The following IFIH1 variants were observed in gnomAD, a reference collection of about 807,000 sequenced individuals.
IFIH1 encodes the protein interferon induced with helicase C domain 1, also known as interferon-induced helicase C domain-containing protein 1.
In IFIH1, 125 loss-of-function variants were observed where a neutral mutation model predicts 107.4. The observed-to-expected ratio is 1.16, with a 90% CI of 1.01 to 1.35. The LOEUF (loss-of-function observed/expected upper bound fraction) is 1.35, where lower values mean the gene tolerates loss of function less well. IFIH1 is among the 40% of genes most tolerant of loss of function. The probability of loss-of-function intolerance (pLI) is 0.00; values close to 1 mark genes in which losing one functional copy is unlikely to be tolerated. For synonymous variants in IFIH1, 458 were observed against 413.2 expected (o/e 1.11, Z -1.31); for missense variants, 1,333 against 1,213.7 (o/e 1.10, Z -1.46).
At chr2:162,282,614 T>G in intron 5 of IFIH1, 38 bp from the exon 6 acceptor site, 1 of 1,414,958 alleles carries the variant, frequency 7.1e-7, no homozygotes, top group Non-Finnish European at 9.8e-7. Flanking sequence ...AGAGAGAAAG[T>G]TAGTCGAAGC....
rs145187664 is a variant in IFIH1, at chr2:162,268,110, G to A, written c.2784C>T (p.His928=). The A allele has an allele frequency of 1.9e-4, 310 of 1,606,744 alleles. 1 individual carries two copies. Among genetic ancestry groups the A allele is most frequent in the African/African-American group, 6.0e-4 (45 of 74,616 alleles). ...ACTTGAATTCTGGGGTCATATTGAC[G>A]TGATGCATTTTCTCAATTACATGGA... ...EDIHVIEKMH[H]VNMTPEFKEL... Residue 928 remains histidine, a synonymous_variant, in exon 14 of 16, where the codon CAC becomes CAT. Coordinates refer to ENST00000649979, the MANE Select transcript of IFIH1 (RefSeq NM_022168.4).
rs557941465 is a variant in IFIH1 at position 162,314,484 on chromosome 2, C to CTTT, written c.453+3368_453+3370dup. 9.3e-5 allele frequency among the ~76,000 whole-genome samples: 9 copies of CTTT among 96,980 alleles called. No individual in the cohort carries two copies. The East Asian group carries it at 1.9e-3, about 20-fold the overall frequency. The allele number at this position is 96,980 out of a possible 152,430, so 63.6% of individuals were successfully genotyped here. On this transcript the variant is annotated intron_variant, in intron 1 of 15. Coordinates refer to ENST00000649979, the MANE Select transcript of IFIH1 (RefSeq NM_022168.4). ...TCTTTCTTTCTTTCTTTCTTTCTTT[C>CTTT]TTTTTCTTTCTCTCTTTCTTATTAG...
At chr2:162,307,703 C>A (rs10197553) in intron 2 of IFIH1, among the ~76,000 whole-genome samples, 14,825 of 152,048 alleles carry the variant, frequency 0.098, 2,462 homozygotes, top group African/African-American at 0.34. Context: ...CTTAAAGAAC[C>A]CAGTGAAAAT....
intron 1 of IFIH1, among the ~76,000 whole-genome samples, chr2:162,316,795 A>G (rs1375893355): frequency 1.3e-5 from 2 of 152,234 alleles, no homozygotes; most frequent in African/African-American, 2.4e-5. Flanking sequence ...CAAACAGGTC[A>G]GCATTTATAC....
In IFIH1 at chr2:162,276,895, T is replaced by C; in HGVS notation, c.2096A>G (p.Glu699Gly). The C allele has an allele frequency of 6.2e-7, 1 of 1,612,344 alleles. No homozygotes were observed. The highest frequency in any genetic ancestry group is 1.1e-5 in the South Asian group (1 of 90,368). Reference sequence around the variant, plus strand: ...GGTATTTCTTAATTTGGTCAGCTTTTCATTTTCATATTCTGGGTTTTCAGC... The same window carrying C: ...GGTATTTCTTAATTTGGTCAGCTTTCCATTTTCATATTCTGGGTTTTCAGC... Reference protein sequence around the residue: ...RLAENPEYENEKLTKLRNTIM... With the variant: ...RLAENPEYENGKLTKLRNTIM... The change falls in exon 11 of 16, where the codon GAA becomes GGA. Residue 699 changes from glutamate to glycine, a missense_variant. Coordinates refer to ENST00000649979, the MANE Select transcript of IFIH1 (RefSeq NM_022168.4).
At chr2:162,312,765 A>T (rs1388096039) in intron 1 of IFIH1, among the ~76,000 whole-genome samples, 2 of 152,152 alleles carry the variant, frequency 1.3e-5, no homozygotes, top group Admixed American at 1.3e-4. Flanking sequence ...TAATTTAACA[A>T]GTAATTGCTA....
At chr2:162,285,068 T>C (rs1465150263) in intron 5 of IFIH1, among the ~76,000 whole-genome samples, 1 of 151,998 alleles carries the variant, frequency 6.6e-6, no homozygotes, top group Non-Finnish European at 1.5e-5. Context: ...CAGATGCAAG[T>C]CTGACATGGC....
At position 162,293,657 on chromosome 2, in the gene IFIH1, T is replaced by G; in HGVS notation, c.781A>C (p.Ser261Arg). ...DSSVVSESDTSLAEGSVSCLD... is the reference protein window; with the variant it reads ...DSSVVSESDTRLAEGSVSCLD... ...CAGCTGACACTTCCTTCTGCCAAACTTGTGTCTGATTCTGCAAAGGAAAAC... is the reference window on the plus strand; with the variant it reads ...CAGCTGACACTTCCTTCTGCCAAACGTGTGTCTGATTCTGCAAAGGAAAAC... The change falls in exon 4 of 16, where the codon AGT becomes CGT. Residue 261 changes from serine (S) to arginine (R), a missense_variant. Ser to Arg is a moderately radical substitution (Grantham distance 110). Coordinates refer to ENST00000649979, the MANE Select transcript of IFIH1 (RefSeq NM_022168.4). 1 of 1,607,328 alleles carries G rather than the reference T, an allele frequency of 6.2e-7. No homozygotes were observed. Among genetic ancestry groups the G allele is most frequent in the South Asian group, 1.1e-5 (1 of 90,594 alleles).
rs923527306 is a variant in IFIH1 at position 162,282,499 on chromosome 2, A to G, written c.1173T>C (p.Ser391=). 7 of 1,611,742 alleles carry G rather than the reference A, an allele frequency of 4.3e-6. No homozygotes were observed. The highest frequency in any genetic ancestry group is 1.7e-4 in the Middle Eastern group (1 of 6,046). Residue 391 remains serine (S), a synonymous_variant, in exon 6 of 16, where the codon AGT becomes AGC. Transcript: ENST00000649979. The part of the protein sequence containing the change: ...LKKWYRVIGL[S]GDTQLKISFP... Reference sequence around the variant, plus strand: ...ATGATATTTTCAGTTGGGTATCACCACTTAATCCAATAACACGATACCATT... The same window carrying G: ...ATGATATTTTCAGTTGGGTATCACCGCTTAATCCAATAACACGATACCATT...
Position 162,277,468 on chromosome 2 carries a change from T to C in IFIH1, c.1991A>G (p.Lys664Arg). The C allele has an allele frequency of 6.2e-7, 1 of 1,609,024 alleles. No individual in the cohort carries two copies. Among genetic ancestry groups the C allele is most frequent in the Non-Finnish European group, 8.5e-7 (1 of 1,176,372 alleles). ...TGTTTCATCCAGTTTCAAAGGTTTC[T>C]TTAAATCATCCTCATCTTCATCACC... ...CDGDEDEDDL[K>R]KPLKLDETDR... The change falls in exon 10 of 16, where the codon AAG becomes AGG. Residue 664 changes from lysine (K) to arginine (R), a missense_variant. By Grantham distance (26) the Lys-to-Arg change is conservative. Coordinates refer to ENST00000649979, the MANE Select transcript of IFIH1 (RefSeq NM_022168.4).
chr2:162,275,681 A>G (rs1380707022), intron 11 of IFIH1, among the ~76,000 whole-genome samples: 1 of 152,170 alleles, frequency 6.6e-6, no homozygotes, highest in Non-Finnish European at 1.5e-5. Context: ...CTATAATAGA[A>G]AGGAAGTATC....
At chr2:162,301,380 G>C (rs1323430233) in intron 3 of IFIH1, among the ~76,000 whole-genome samples, 2 of 152,148 alleles carry the variant, frequency 1.3e-5, no homozygotes, top group Non-Finnish European at 2.9e-5. Context: ...GGCGCCCTCT[G>C]CTGGCCAATC....
chr2:162,293,531 C>T, intron 4 of IFIH1, 33 bp downstream of exon 4: 1 of 1,418,016 alleles, frequency 7.1e-7, no homozygotes, highest in Non-Finnish European at 9.9e-7. Flanking sequence ...TTATTTCACA[C>T]TTTTTAAGGT....
rs1474848285 is a variant in IFIH1, at chr2:162,281,377, C to T, written c.1475G>A (p.Gly492Asp). Residue 492 changes from glycine to aspartate, a missense_variant, in exon 7 of 16, where the codon GGT (glycine) becomes GAT (aspartate). Physicochemically the swap from Gly to Asp is moderately conservative, Grantham distance 94 (BLOSUM62 -1). Coordinates refer to ENST00000649979, the MANE Select transcript of IFIH1 (RefSeq NM_022168.4). ...PQILGLTASP[G>D]VGGATKQAKA... is the part of the protein sequence containing the mutation. ...GGCTTGCTTCGTGGCCCCTCCAACACCAGGTGAAGCTGTTAGTCCCAGTAT... is the reference window on the plus strand; with the variant it reads ...GGCTTGCTTCGTGGCCCCTCCAACATCAGGTGAAGCTGTTAGTCCCAGTAT... The T allele has an allele frequency of 3.7e-6, 6 of 1,612,744 alleles. No individual in the cohort carries two copies. The East Asian group carries it at 1.1e-4, about 30-fold the overall frequency.
chr2:162,267,083 G>T lies in IFIH1; in HGVS notation c.*117C>A. 1 of 800,112 alleles carries T rather than the reference G, an allele frequency of 1.2e-6. No homozygotes were observed. 49.6% of individuals were successfully genotyped at this position (800,112 alleles called of 1,614,324 possible). Reference sequence around the variant, plus strand: ...GTGTTCTTAAAAAGAGTTCAATGCAGAGTAAAACAATCATTTTATTGATTC... The same window carrying T: ...GTGTTCTTAAAAAGAGTTCAATGCATAGTAAAACAATCATTTTATTGATTC... On this transcript the variant is annotated 3_prime_UTR_variant, in exon 16 of 16. Coordinates refer to ENST00000649979, the MANE Select transcript of IFIH1 (RefSeq NM_022168.4).
At chr2:162,304,589 C>A (rs1683248275) in intron 3 of IFIH1, among the ~76,000 whole-genome samples, 1 of 152,082 alleles carries the variant, frequency 6.6e-6, no homozygotes, top group Non-Finnish European at 1.5e-5. Context: ...ATCTTATATA[C>A]TTAGATAGTT....
At chr2:162,300,998 T>C (rs1261500181) in intron 3 of IFIH1, among the ~76,000 whole-genome samples, 3 of 152,154 alleles carry the variant, frequency 2.0e-5, no homozygotes, top group Admixed American at 6.5e-5. Flanking sequence ...AAAAAAGTGC[T>C]ATAACAGATT....
At chr2:162,273,052 A>G (rs750721839) in intron 12 of IFIH1, among the ~76,000 whole-genome samples, 7 of 152,146 alleles carry the variant, frequency 4.6e-5, no homozygotes, top group Non-Finnish European at 8.8e-5. Context: ...AAATAAAATT[A>G]TTTGCTAATT....
At position 162,318,564 on chromosome 2, in the gene IFIH1, C is replaced by T. The variant is rs1683562633; in HGVS notation, c.-257G>A. ...GGCCGCGGCAGGCAGGTGCGGCCGG[C>T]AGGCGCGGCACTTTGGACTCTGCGG... On this transcript the variant is annotated 5_prime_UTR_variant, in exon 1 of 16. Coordinates refer to ENST00000649979, the MANE Select transcript of IFIH1 (RefSeq NM_022168.4). 4.0e-6 allele frequency: 1 copy of T among 248,694 alleles called. No homozygotes were observed. The highest frequency in any genetic ancestry group is 5.7e-5 in the Admixed American group (1 of 17,694). The allele number at this position is 248,694 out of a possible 1,614,324, so 15.4% of individuals were successfully genotyped here.
Sources: gnomAD v4.1 joint callset for allele counts (sites outside exome capture counted in the v4.1 genomes callset) on GRCh38, gnomAD v4.1.1 for gene constraint, MANE v1.5 for transcripts, NCBI Gene and HGNC (gene_info 2026-07-23, HGNC 2026-07-21) for gene names.